Variants in TRIM66 observed in about 807,000 individuals in gnomAD.
TRIM66 encodes the protein tripartite motif containing 66, also known as tripartite motif-containing protein 66.
In TRIM66, 99 loss-of-function variants were observed where a neutral mutation model predicts 148.2. The observed-to-expected ratio is 0.67, with a 90% CI of 0.57 to 0.79. The LOEUF (loss-of-function observed/expected upper bound fraction) is 0.79. TRIM66 is among the 30% of genes least tolerant of loss of function. The pLI is 0.00. For synonymous variants in TRIM66, 616 were observed against 635.9 expected (o/e 0.97, Z 0.47); for missense variants, 1,666 against 1,697.9 (o/e 0.98, Z 0.33).
chr11:8,618,668 G>C (rs1334329622), intron 24 of TRIM66, 82 bp downstream of exon 24: 2 of 1,309,902 alleles, frequency 1.5e-6, no homozygotes, highest in East Asian at 5.0e-5. Flanking sequence ...CACCCGAACA[G>C]CTTCACCTTA....
In TRIM66 at chr11:8,613,764, T is replaced by C. The variant is rs920554339; in HGVS notation, c.*4180A>G. 2 of 151,704 alleles carry C rather than the reference T, an allele frequency of 1.3e-5. No homozygotes were observed. Among genetic ancestry groups the C allele is most frequent in the African/African-American group, 4.9e-5 (2 of 41,192 alleles). 9.4% of individuals were successfully genotyped at this position (151,704 alleles called of 1,614,324 possible). On this transcript the variant is annotated 3_prime_UTR_variant, in exon 25 of 25. Transcript: ENST00000646038. ...GGTTGGGGAGAGTTACAGACACAGA[T>C]GAATGAGAGGGGAGAGAGGAACAGC...
Position 8,682,649 on chromosome 11 carries a change from C to T in TRIM66, c.-596G>A, listed in dbSNP as rs1050205556. ...ACACTCCGTGATGGGGGATCACCAC[C>T]CTCAGAAAGAGGAAGCGACTAGCAG... On this transcript the variant is annotated 5_prime_UTR_variant, in exon 1 of 25. Coordinates refer to ENST00000646038, the MANE Select transcript of TRIM66 (RefSeq NM_001388022.1). The T allele has an allele frequency of 3.2e-5, 25 of 770,074 alleles. No homozygotes were observed. The South Asian group carries it at 3.4e-4, about 10-fold the overall frequency. 47.7% of individuals were successfully genotyped at this position (770,074 alleles called of 1,614,324 possible). A position where few individuals can be genotyped will look rare whatever the true frequency, so the allele number is the denominator to read the frequency against.
At chr11:8,680,389 G>A (rs2039354661) in intron 1 of TRIM66, among the ~76,000 whole-genome samples, 1 of 152,202 alleles carries the variant, frequency 6.6e-6, no homozygotes, top group Admixed American at 6.5e-5. Context: ...TTAGAATGCA[G>A]GCAGAGTGAA....
intron 6 of TRIM66, among the ~76,000 whole-genome samples, chr11:8,669,269 A>G (rs192182555): frequency 6.6e-6 from 1 of 152,354 alleles, no homozygotes; most frequent in East Asian, 1.9e-4. Flanking sequence ...GTAAAGTCAC[A>G]GGCACCATCC....
At chr11:8,646,238 T>A (rs528828395) in intron 11 of TRIM66, among the ~76,000 whole-genome samples, 1 of 152,180 alleles carries the variant, frequency 6.6e-6, no homozygotes, top group Non-Finnish European at 1.5e-5. Context: ...CTAAGAGACA[T>A]AGCATCAAAA....
In TRIM66 at chr11:8,641,620, G is replaced by T. The variant is rs530801112; in HGVS notation, c.1223-468C>A. ...GAACTGTGTGTTGAGCAAGTAGGAC[G>T]GAAGAGAGTGGGGAAGCTCTAATAC... is the stretch of plus-strand genomic sequence containing the variant. On this transcript the variant is annotated intron_variant, in intron 13 of 24. Coordinates refer to ENST00000646038, the MANE Select transcript of TRIM66 (RefSeq NM_001388022.1). 6.6e-5 allele frequency among the ~76,000 whole-genome samples: 10 copies of T among 152,230 alleles called. No individual in the cohort carries two copies. The East Asian group carries it at 1.5e-3, about 24-fold the overall frequency.
chr11:8,618,837 A>G lies in TRIM66; in HGVS notation c.4032T>C (p.Ser1344=). 4 of 1,551,468 alleles carry G rather than the reference A, an allele frequency of 2.6e-6. No homozygotes were observed. The highest frequency in any genetic ancestry group is 3.5e-6 in the Non-Finnish European group (4 of 1,146,950). The part of the protein sequence containing the change: ...QEDSDSEEVS[S]ESGCSTPQGF... ...CCTGGGGAGTGGAACATCCACTCTC[A>G]CTAGACACCTCCTCGGAGTCTGAGT... is the stretch of plus-strand genomic sequence containing the variant. The change falls in exon 24 of 25, where the codon AGT becomes AGC. Residue 1344 remains serine, a synonymous_variant. Coordinates refer to ENST00000646038, the MANE Select transcript of TRIM66 (RefSeq NM_001388022.1).
intron 15 of TRIM66, among the ~76,000 whole-genome samples, chr11:8,627,861 G>T (rs2035004057): frequency 6.6e-6 from 1 of 152,160 alleles, no homozygotes; most frequent in Admixed American, 6.5e-5. Flanking sequence ...GTCTTGCTCT[G>T]TCACCCTGGC....
In TRIM66 at chr11:8,619,936, T is replaced by C. The variant is rs1288198840; in HGVS notation, c.3747+114A>G. 11 of 1,022,324 alleles carry C rather than the reference T, an allele frequency of 1.1e-5. No individual in the cohort carries two copies. The African/African-American group carries it at 1.5e-4, about 14-fold the overall frequency. The allele number at this position is 1,022,324 out of a possible 1,614,324, so 63.3% of individuals were successfully genotyped here. A position where few individuals can be genotyped will look rare whatever the true frequency, so the allele number is the denominator to read the frequency against. On this transcript the variant is annotated intron_variant, in intron 22 of 24. Coordinates refer to ENST00000646038, the MANE Select transcript of TRIM66 (RefSeq NM_001388022.1). ...AGACAGTAGCAGGCACAAAATTCAA[T>C]AACTCAGAATTTTGTGACTCTAGAA... is the stretch of plus-strand genomic sequence containing the variant.
chr11:8,645,250 T>C (rs2036744711), intron 12 of TRIM66, among the ~76,000 whole-genome samples: 9 of 152,212 alleles, frequency 5.9e-5, no homozygotes, highest in Admixed American at 5.9e-4. Context: ...ACAGGCACCT[T>C]AGATTCAAAG....
In TRIM66 at chr11:8,638,711, G is replaced by A; in HGVS notation, c.2253C>T (p.Leu751=). 6.5e-7 allele frequency: 1 copy of A among 1,549,688 alleles called. No homozygotes were observed. The highest frequency in any genetic ancestry group is 8.7e-7 in the Non-Finnish European group (1 of 1,146,214). ...TGGTGCTGTCCACTGGGGGGACACTGAGAGGGGTTTCTTCCCCAGACGCCT... is the reference window on the plus strand; with the variant it reads ...TGGTGCTGTCCACTGGGGGGACACTAAGAGGGGTTTCTTCCCCAGACGCCT... The part of the protein sequence containing the change: ...LPQASGEETP[L]SVPPVDSTIQ... The change falls in exon 15 of 25, where the codon CTC becomes CTT. Residue 751 remains leucine, a synonymous_variant. Coordinates refer to ENST00000646038, the MANE Select transcript of TRIM66 (RefSeq NM_001388022.1).
intron 6 of TRIM66, among the ~76,000 whole-genome samples, chr11:8,654,162 C>T (rs1050516455): frequency 6.6e-6 from 1 of 152,260 alleles, no homozygotes; most frequent in Non-Finnish European, 1.5e-5. Flanking sequence ...AAGGCCTCAT[C>T]ACACATCCTC....
chr11:8,638,029 G>C (rs1262168594), intron 15 of TRIM66, among the ~76,000 whole-genome samples: 7 of 152,174 alleles, frequency 4.6e-5, no homozygotes, highest in African/African-American at 1.7e-4. Context: ...GCCTCCAAGA[G>C]CTCATCTTCA....
intron 8 of TRIM66, 30 bp from the exon 9 acceptor site, chr11:8,648,578 C>T: frequency 1.3e-6 from 2 of 1,550,750 alleles, no homozygotes; most frequent in Non-Finnish European, 1.7e-6. Flanking sequence ...AAGTGAGCTT[C>T]TCTTGCTCAG....
At chr11:8,642,863 AAAAAAG>A (rs2036521614) in intron 13 of TRIM66, 140 bp downstream of exon 13, 1 of 422,100 alleles carries the variant, frequency 2.4e-6, no homozygotes, top group Non-Finnish European at 4.1e-6. Flanking sequence ...AAAAAAAAAA[AAAAAAG>A]GTTTGCTGAA....
chr11:8,636,348 T>C (rs1037350958), intron 15 of TRIM66, among the ~76,000 whole-genome samples: 1 of 152,154 alleles, frequency 6.6e-6, no homozygotes, highest in Non-Finnish European at 1.5e-5. Context: ...TCTTCACTTG[T>C]GCAGCAGGCA....
At chr11:8,674,650 T>C (rs955814833) in intron 4 of TRIM66, among the ~76,000 whole-genome samples, 156 bp downstream of exon 4, 1 of 152,112 alleles carries the variant, frequency 6.6e-6, no homozygotes, top group Non-Finnish European at 1.5e-5. Context: ...CCGCCCGAAG[T>C]GCTGGGATTA....
intron 1 of TRIM66, chr11:8,680,609 G>C (rs546588330): frequency 6.1e-4 from 93 of 152,332 alleles, no homozygotes; most frequent in African/African-American, 2.2e-3. Flanking sequence ...GAATAAAGGA[G>C]AAGGCACCAG....
At chr11:8,644,211 C>T (rs1396200723) in intron 12 of TRIM66, 1 of 325,164 alleles carries the variant, frequency 3.1e-6, no homozygotes, top group African/African-American at 2.2e-5. Context: ...TGTCCTAATT[C>T]CCTCCCCATC....
Sources: gnomAD v4.1 joint callset for allele counts (sites outside exome capture counted in the v4.1 genomes callset) on GRCh38, gnomAD v4.1.1 for gene constraint, MANE v1.5 for transcripts, NCBI Gene and HGNC (gene_info 2026-07-23, HGNC 2026-07-21) for gene names.